Variants in QTMAN observed in about 807,000 individuals in gnomAD.
QTMAN encodes the protein tRNA-queuosine alpha-mannosyltransferase.
the QTMAN span, among the ~76,000 whole-genome samples, chr2:144,263,879 T>G: frequency 6.6e-6 from 1 of 152,220 alleles, no homozygotes; most frequent in East Asian, 1.9e-4. Flanking sequence ...TATAAAAAAC[T>G]GACAAGCTAC....
chr2:144,330,368 T>C, the QTMAN span, among the ~76,000 whole-genome samples: 1 of 152,102 alleles, frequency 6.6e-6, no homozygotes, highest in Non-Finnish European at 1.5e-5. Flanking sequence ...TTTGTGTGAG[T>C]ACATTCTATG....
At chr2:144,332,016 C>A in the QTMAN span, among the ~76,000 whole-genome samples, 250 of 152,334 alleles carry the variant, frequency 1.6e-3, no homozygotes, top group Middle Eastern at 0.01. Context: ...GACGCCCGGC[C>A]TCCCTTCTCC....
At chr2:144,207,893 T>C in the QTMAN span, among the ~76,000 whole-genome samples, 2 of 152,054 alleles carry the variant, frequency 1.3e-5, no homozygotes. Flanking sequence ...GGTCTCACTC[T>C]ATTGCCCAGG....
the QTMAN span, among the ~76,000 whole-genome samples, chr2:144,248,908 C>G: frequency 6.6e-6 from 1 of 152,088 alleles, no homozygotes; most frequent in Non-Finnish European, 1.5e-5. Flanking sequence ...TTGTCTGAAG[C>G]CTTCAGTGGG....
chr2:144,169,776 A>G, the QTMAN span, among the ~76,000 whole-genome samples: 2 of 152,210 alleles, frequency 1.3e-5, no homozygotes, highest in East Asian at 3.9e-4. Flanking sequence ...AAGATTATAT[A>G]CAATATCTAC....
chr2:144,189,467 G>C, the QTMAN span, among the ~76,000 whole-genome samples: 1 of 152,130 alleles, frequency 6.6e-6, no homozygotes, highest in Non-Finnish European at 1.5e-5. Flanking sequence ...TAAAGATATT[G>C]AGCCACTAAA....
At chr2:143,990,568 G>A in the QTMAN span, among the ~76,000 whole-genome samples, 1 of 152,188 alleles carries the variant, frequency 6.6e-6, no homozygotes, top group Non-Finnish European at 1.5e-5. Flanking sequence ...GGCTGTTATT[G>A]CTACAGATTA....
the QTMAN span, among the ~76,000 whole-genome samples, chr2:144,332,922 C>T: frequency 6.6e-6 from 1 of 152,190 alleles, no homozygotes; most frequent in African/African-American, 2.4e-5. Flanking sequence ...TTAGGTCGAC[C>T]TCGGATTCCC....
chr2:144,289,029 CTTTTTTTT>C, the QTMAN span, among the ~76,000 whole-genome samples: 3 of 115,974 alleles, frequency 2.6e-5, no homozygotes, highest in Admixed American at 8.6e-5. Context: ...CAAGAAAATT[CTTTTTTTT>C]TTTTTTTTTT....
the QTMAN span, among the ~76,000 whole-genome samples, chr2:144,134,195 T>G: frequency 0.014 from 2,098 of 151,758 alleles, 46 homozygotes; most frequent in African/African-American, 0.049. Context: ...AAAATAGTGT[T>G]TTTTTTTAAT....
chr2:144,189,541 C>T, the QTMAN span, among the ~76,000 whole-genome samples: 15 of 152,282 alleles, frequency 9.9e-5, no homozygotes, highest in Admixed American at 9.2e-4. Context: ...CAATTGGTCG[C>T]TTTTATTGAG....
chr2:144,054,884 G>A, the QTMAN span, among the ~76,000 whole-genome samples: 2 of 152,142 alleles, frequency 1.3e-5, no homozygotes, highest in East Asian at 1.9e-4. Flanking sequence ...ATGTTGACAA[G>A]TGTGATATCC....
the QTMAN span, among the ~76,000 whole-genome samples, chr2:144,172,373 C>T: frequency 1.3e-5 from 2 of 152,004 alleles, no homozygotes; most frequent in African/African-American, 2.4e-5. Flanking sequence ...ATAATCTCAA[C>T]ACTTTGGGAG....
the QTMAN span, chr2:144,208,486 G>A: frequency 1.8e-5 from 15 of 828,678 alleles, 1 homozygote; most frequent in South Asian, 2.5e-4. Context: ...ATCTACTATA[G>A]TCATAATAAC....
At chr2:144,310,105 A>T in the QTMAN span, among the ~76,000 whole-genome samples, 1 of 152,246 alleles carries the variant, frequency 6.6e-6, no homozygotes, top group South Asian at 2.1e-4. Flanking sequence ...GGAGAGGGAC[A>T]TTTTAAATAA....
chr2:144,142,052 C>T, the QTMAN span: 1 of 1,607,162 alleles, frequency 6.2e-7, no homozygotes, highest in Admixed American at 1.7e-5. Flanking sequence ...CATCAGCCAC[C>T]AGGCTGTAAA....
the QTMAN span, among the ~76,000 whole-genome samples, chr2:144,119,056 A>G: frequency 2.0e-5 from 3 of 152,164 alleles, no homozygotes; most frequent in Non-Finnish European, 2.9e-5. Context: ...AAGAATCTTA[A>G]TGTTTAAATA....
At chr2:144,160,194 T>C in the QTMAN span, among the ~76,000 whole-genome samples, 1 of 151,980 alleles carries the variant, frequency 6.6e-6, no homozygotes, top group African/African-American at 2.4e-5. Flanking sequence ...ATCATAAAAA[T>C]ATAAAATCAA....
the QTMAN span, among the ~76,000 whole-genome samples, chr2:144,234,678 C>G: frequency 7.9e-5 from 12 of 152,144 alleles, no homozygotes; most frequent in African/African-American, 2.9e-4. Flanking sequence ...ATAGAAATAG[C>G]AAGAACTGAA....
Sources: allele counts gnomAD v4.1 joint callset (sites outside exome capture counted in the v4.1 genomes callset), GRCh38; gene constraint gnomAD v4.1.1; transcripts MANE v1.5; gene names NCBI Gene and HGNC (gene_info 2026-07-23, HGNC 2026-07-21).